The following TFDP1 variants were observed in gnomAD, a reference collection of about 807,000 sequenced individuals.
TFDP1 encodes DRTF1-polypeptide 1.
Under a neutral mutation model 48.0 loss-of-function variants are expected in TFDP1, and 6 were observed. The observed-to-expected ratio is 0.13, with a 90% CI of 0.07 to 0.25. The LOEUF is 0.25. Among genes scored for constraint, TFDP1 ranks in the 10% least tolerant of loss-of-function variants. The probability of loss-of-function intolerance (pLI) is 1.00; values close to 1 mark genes in which losing one functional copy is unlikely to be tolerated. For synonymous variants in TFDP1, 201 were observed against 211.6 expected, an observed-to-expected ratio of 0.95 and a Z score of 0.44; for missense variants, 335 against 543.0, an observed-to-expected ratio of 0.62 and a Z score of 3.81.
chr13:113,603,383 C>T (rs978468628), intron 2 of TFDP1, among the ~76,000 whole-genome samples: 6 of 152,240 alleles, frequency 3.9e-5, no homozygotes, highest in African/African-American at 1.2e-4. Flanking sequence ...GCAGCGCCTC[C>T]ATCCTGGCCA....
chr13:113,596,105 C>T (rs368060556), intron 2 of TFDP1, among the ~76,000 whole-genome samples: 11 of 152,262 alleles, frequency 7.2e-5, no homozygotes, highest in African/African-American at 2.4e-4. Context: ...ATTAATGGCT[C>T]GGAGTAACTT....
chr13:113,634,882 T>G (rs944704246), intron 8 of TFDP1, among the ~76,000 whole-genome samples: 1 of 151,584 alleles, frequency 6.6e-6, no homozygotes, highest in African/African-American at 2.4e-5. Context: ...TGTGTGCGTG[T>G]GCATGTGTGT....
chr13:113,610,167 A>T (rs923863158), intron 2 of TFDP1, among the ~76,000 whole-genome samples: 1 of 146,150 alleles, frequency 6.8e-6, no homozygotes, highest in Non-Finnish European at 1.5e-5. Flanking sequence ...GTGTGGCTAT[A>T]CTGTCATGTG....
At chr13:113,628,003 A>T (rs560409893) in intron 4 of TFDP1, among the ~76,000 whole-genome samples, 1 of 150,868 alleles carries the variant, frequency 6.6e-6, no homozygotes, top group Non-Finnish European at 1.5e-5. Context: ...CTACTGTGGG[A>T]TGCTTCCACC....
chr13:113,624,211 C>T (rs11616294), intron 4 of TFDP1, among the ~76,000 whole-genome samples: 20 of 152,266 alleles, frequency 1.3e-4, no homozygotes, highest in Admixed American at 3.3e-4. Context: ...CCCCCTCACC[C>T]TGCTCCGTCT....
chr13:113,632,047 G>A (rs536269440), intron 5 of TFDP1: 3 of 393,126 alleles, frequency 7.6e-6, no homozygotes, highest in Admixed American at 4.3e-5. Flanking sequence ...CCTCGTACTC[G>A]CCACAGGACC....
At chr13:113,585,986 G>C in intron 2 of TFDP1, 137 bp downstream of exon 2, 1 of 1,011,780 alleles carries the variant, frequency 9.9e-7, no homozygotes, top group Non-Finnish European at 1.5e-6. Flanking sequence ...CGTCTGAAGC[G>C]GGATGAAGGT....
intron 2 of TFDP1, among the ~76,000 whole-genome samples, chr13:113,592,948 G>A (rs534801581): frequency 1.3e-5 from 2 of 151,262 alleles, no homozygotes; most frequent in African/African-American, 4.9e-5. Context: ...CAGGTGACAG[G>A]CGTGCTGTGT....
rs193170688 is a variant in TFDP1, at chr13:113,616,247, G to A, written c.79+5185G>A. Reference sequence around the variant, plus strand: ...AGTAAGTGTGTAAGTGTACATTTGAGCGTGCACTTTCGCAGCTGGTGCGTG... The same window carrying A: ...AGTAAGTGTGTAAGTGTACATTTGAACGTGCACTTTCGCAGCTGGTGCGTG... On this transcript the variant is annotated intron_variant, in intron 3 of 11. Coordinates refer to ENST00000375370, the MANE Select transcript of TFDP1 (RefSeq NM_007111.5). Among the ~76,000 whole-genome samples, 406 of 151,574 alleles carry A rather than the reference G, an allele frequency of 2.7e-3. 2 individuals carry two copies. The highest frequency in any genetic ancestry group is 3.7e-3 in the Non-Finnish European group (251 of 67,920).
intron 2 of TFDP1, among the ~76,000 whole-genome samples, chr13:113,589,109 C>T (rs2048078978): frequency 6.6e-6 from 1 of 152,080 alleles, no homozygotes; most frequent in African/African-American, 2.4e-5. Flanking sequence ...AGGTGGCTGC[C>T]TTTGATGGTC....
At chr13:113,639,975 ACACT>A in intron 11 of TFDP1, 141 bp from the exon 12 acceptor site, 1 of 623,366 alleles carries the variant, frequency 1.6e-6, no homozygotes, top group South Asian at 2.1e-5. Context: ...TGTAGTGCAG[ACACT>A]CAGCCTCCCC....
intron 3 of TFDP1, among the ~76,000 whole-genome samples, chr13:113,616,311 C>G (rs1223251845): frequency 6.6e-6 from 1 of 151,940 alleles, no homozygotes; most frequent in African/African-American, 2.4e-5. Flanking sequence ...TGGCTCCTGT[C>G]TGTAGTCACT....
chr13:113,635,266 G>A (rs1056477776), intron 8 of TFDP1, among the ~76,000 whole-genome samples: 15 of 152,184 alleles, frequency 9.9e-5, no homozygotes, highest in Admixed American at 8.5e-4. Context: ...AGGTGTGCTC[G>A]AGCCCTCCCA....
rs548929234 is a variant in TFDP1 at position 113,633,001 on chromosome 13, C to T, written c.309-119C>T. The T allele has an allele frequency of 2.4e-5, 30 of 1,269,100 alleles. No homozygotes were observed. The East Asian group carries it at 5.1e-4, about 21-fold the overall frequency. 78.6% of individuals were successfully genotyped at this position (1,269,100 alleles called of 1,614,324 possible). On this transcript the variant is annotated intron_variant, in intron 5 of 11. Coordinates refer to ENST00000375370, the MANE Select transcript of TFDP1 (RefSeq NM_007111.5). The surrounding 1 kb of genome is among the most constrained non-coding windows in gnomAD (Gnocchi z 4.5). Reference sequence around the variant, plus strand: ...GCTCACGTGTTGGATCTGCTGCGCCCGTGGGACGTGGCCCCTTTTTGTGCA... The same window carrying T: ...GCTCACGTGTTGGATCTGCTGCGCCTGTGGGACGTGGCCCCTTTTTGTGCA...
intron 2 of TFDP1, among the ~76,000 whole-genome samples, chr13:113,603,347 C>T (rs990197249): frequency 5.9e-5 from 9 of 152,178 alleles, no homozygotes; most frequent in African/African-American, 2.2e-4. Flanking sequence ...TGCTGGCTGG[C>T]AAAGAGGGAG....
intron 2 of TFDP1, among the ~76,000 whole-genome samples, chr13:113,592,263 C>A (rs1175860670): frequency 1.3e-5 from 2 of 152,260 alleles, no homozygotes; most frequent in Admixed American, 1.3e-4. Flanking sequence ...TCAAGCGATT[C>A]TCTGACCTCA....
At chr13:113,638,569 G>A (rs1566681110) in intron 11 of TFDP1, among the ~76,000 whole-genome samples, 1 of 152,168 alleles carries the variant, frequency 6.6e-6, no homozygotes, top group Non-Finnish European at 1.5e-5. Flanking sequence ...TTTTCAGAAC[G>A]CGTCTGTGGT....
Position 113,640,123 on chromosome 13 carries a change from C to T in TFDP1, c.1089C>T (p.Asp363=). 1 of 1,601,938 alleles carries T rather than the reference C, an allele frequency of 6.2e-7. No individual in the cohort carries two copies. The highest frequency in any genetic ancestry group is 8.5e-7 in the Non-Finnish European group (1 of 1,175,580). ...TSNGTRFSAS[D]LTNGADGMLA... ...CCATCCGCCTCCTGCCTTGCAGTGA[C>T]CTGACCAACGGTGCAGATGGGATGC... Residue 363 remains aspartate, a synonymous_variant, in exon 12 of 12, where the codon GAC becomes GAT. Coordinates refer to ENST00000375370, the MANE Select transcript of TFDP1 (RefSeq NM_007111.5).
At chr13:113,639,360 G>A (rs4150820) in intron 11 of TFDP1, among the ~76,000 whole-genome samples, 2 of 152,130 alleles carry the variant, frequency 1.3e-5, no homozygotes, top group African/African-American at 2.4e-5. Context: ...ACGAAATACC[G>A]ATTTTCATAG....
Sources: gnomAD v4.1 joint callset for allele counts (sites outside exome capture counted in the v4.1 genomes callset) on GRCh38, gnomAD v4.1.1 for gene constraint, Gnocchi (gnomAD v3.1) non-coding constraint, MANE v1.5 for transcripts, NCBI Gene and HGNC (gene_info 2026-07-23, HGNC 2026-07-21) for gene names.